ASIC3: variants seen among roughly 807,000 people sequenced by gnomAD.
ASIC3 encodes the protein acid sensing ion channel subunit 3.
Under a neutral mutation model 58.6 loss-of-function variants are expected in ASIC3, and 46 were observed. That is an observed-to-expected ratio of 0.79 (90% CI 0.62 to 1.00). The LOEUF (loss-of-function observed/expected upper bound fraction) is 1.00. Among genes scored for constraint, ASIC3 ranks in the 50% least tolerant of loss-of-function variants. The pLI, the probability that ASIC3 is intolerant of heterozygous loss-of-function variation, is 0.00. For synonymous variants in ASIC3, 336 were observed against 300.2 expected, an observed-to-expected ratio of 1.12 and a Z score of -1.23; for missense variants, 770 against 735.0, an observed-to-expected ratio of 1.05 and a Z score of -0.55.
Position 151,050,525 on chromosome 7 carries a change from CAGG to C in ASIC3, c.736_738del (p.Glu246del), listed in dbSNP as rs1796742031. The C allele has an allele frequency of 6.2e-7, 1 of 1,613,908 alleles. No homozygotes were observed. The highest frequency in any genetic ancestry group is 1.3e-5 in the African/African-American group (1 of 74,912). On this transcript the variant is annotated inframe_deletion, in exon 3 of 11. Transcript: ENST00000349064. ...GGGGATCCGAGTGCAGATCCACAGCCAGGAGGAGCCGCCCATCATCGATCAGCT... is the reference window on the plus strand; with the variant it reads ...GGGGATCCGAGTGCAGATCCACAGCCAGGAGCCGCCCATCATCGATCAGCT...
chr7:151,050,859 C>A lies in ASIC3; in HGVS notation c.915C>A (p.Ser305Arg). 6.2e-7 allele frequency: 1 copy of A among 1,613,258 alleles called. No individual in the cohort carries two copies. The highest frequency in any genetic ancestry group is 8.5e-7 in the Non-Finnish European group (1 of 1,179,878). The change falls in exon 4 of 11, where the codon AGC becomes AGA. Residue 305 changes from serine to arginine, a missense_variant. Physicochemically the swap from Ser to Arg is moderately radical, Grantham distance 110 (BLOSUM62 -1). Coordinates refer to ENST00000349064, the MANE Select transcript of ASIC3 (RefSeq NM_004769.4). ...PSDPLGSPSP[S>R]PSPPYTLMGC... ...ATCCCCTAGGCTCCCCCAGCCCCAG[C>A]CCCAGCCCTCCCTATACCCTTATGG...
rs201843515 is a variant in ASIC3, at chr7:151,051,944, C to A, written c.1307-39C>A. 5 of 1,612,986 alleles carry A rather than the reference C, an allele frequency of 3.1e-6. No homozygotes were observed. In the Admixed American group the frequency reaches 8.3e-5, roughly 27 times the overall value. ...CCAGGGCTGGGGGGGTGTGGGCAGG[C>A]AGGTGGCTGTAAGTTGAAGGGTGAC... On this transcript the variant is annotated intron_variant, in intron 7 of 10. Transcript: ENST00000349064.
In ASIC3 at chr7:151,049,067, C is replaced by A; in HGVS notation, c.182C>A (p.Ala61Asp). Residue 61 changes from alanine to aspartate, a missense_variant, in exon 1 of 11, where the codon GCT becomes GAT. Ala to Asp is a moderately radical substitution (Grantham distance 126). Transcript: ENST00000349064. ...GTGGCCACCTTCCTCTACCAGGTGG[C>A]TGAGAGGGTGCGCTACTACAGGGAG... is the stretch of plus-strand genomic sequence containing the variant. ...LSVATFLYQVAERVRYYREFH... is the reference protein window; with the variant it reads ...LSVATFLYQVDERVRYYREFH... 1 of 1,613,866 alleles carries A rather than the reference C, an allele frequency of 6.2e-7. No individual in the cohort carries two copies. Among genetic ancestry groups the A allele is most frequent in the Non-Finnish European group, 8.5e-7 (1 of 1,179,924 alleles).
intron 3 of ASIC3, 47 bp from the exon 4 acceptor site, chr7:151,050,711 G>T (rs1414744757): frequency 6.2e-7 from 1 of 1,606,062 alleles, no homozygotes; most frequent in Non-Finnish European, 8.5e-7. Flanking sequence ...TCCCCAGCTG[G>T]CCTCTCACGC....
rs771076035 is a variant in ASIC3 at position 151,048,914 on chromosome 7, C to T, written c.29C>T (p.Ala10Val). MKPTSGPEE[A>V]RRPASDIRVF... Reference sequence around the variant, plus strand: ...AAGCCCACCTCAGGCCCAGAGGAGGCCCGGCGGCCAGCCTCGGACATCCGC... The same window carrying T: ...AAGCCCACCTCAGGCCCAGAGGAGGTCCGGCGGCCAGCCTCGGACATCCGC... Residue 10 changes from alanine (A) to valine (V), a missense_variant, in exon 1 of 11, where the codon GCC (alanine) becomes GTC (valine). Physicochemically the swap from Ala to Val is moderately conservative, Grantham distance 64. Transcript: ENST00000349064. The T allele has an allele frequency of 3.8e-6, 6 of 1,560,008 alleles. No homozygotes were observed. The highest frequency in any genetic ancestry group is 5.2e-6 in the Non-Finnish European group (6 of 1,149,066).
intron 6 of ASIC3, among the ~76,000 whole-genome samples, chr7:151,051,595 AG>A (rs1796782261): frequency 8.9e-6 from 1 of 112,868 alleles, no homozygotes; most frequent in African/African-American, 3.4e-5. Flanking sequence ...AGGGGAGGGG[AG>A]GGGACTCGCT....
rs202075625 is a variant in ASIC3, at chr7:151,048,838, T to C, written c.-48T>C. 35 of 1,516,374 alleles carry C rather than the reference T, an allele frequency of 2.3e-5. No homozygotes were observed. In the East Asian group the frequency reaches 6.1e-4, roughly 27 times the overall value. 93.9% of individuals were successfully genotyped at this position (1,516,374 alleles called of 1,614,324 possible). A position where few individuals can be genotyped will look rare whatever the true frequency, so the allele number is the denominator to read the frequency against. On this transcript the variant is annotated 5_prime_UTR_variant, in exon 1 of 11. Transcript: ENST00000349064. ...CCTTAGCCCCCTGACTGACTCTCTC[T>C]CGCTTCTTCCAAGCCTCTGTAGCTG...
At chr7:151,050,986 C>T in intron 4 of ASIC3, 33 bp downstream of exon 4, 5 of 1,613,178 alleles carry the variant, frequency 3.1e-6, no homozygotes, top group East Asian at 2.2e-5. Flanking sequence ...CCATGGCGGG[C>T]AGGGCCCAGG....
chr7:151,050,127 T>A lies in ASIC3; in HGVS notation c.556T>A (p.Cys186Ser). Reference sequence around the variant, plus strand: ...CCAGATCTTCACCCGGATGGGAAAGTGCTACACATTTAACTCTGGCGCTGA... The same window carrying A: ...CCAGATCTTCACCCGGATGGGAAAGAGCTACACATTTAACTCTGGCGCTGA... ...FTTIFTRMGK[C>S]YTFNSGADGA... The change falls in exon 2 of 11, where the codon TGC becomes AGC. Residue 186 changes from cysteine to serine, a missense_variant. Physicochemically the swap from Cys to Ser is moderately radical, Grantham distance 112. Coordinates refer to ENST00000349064, the MANE Select transcript of ASIC3 (RefSeq NM_004769.4). 1 of 1,614,108 alleles carries A rather than the reference T, an allele frequency of 6.2e-7. No homozygotes were observed. The highest frequency in any genetic ancestry group is 8.5e-7 in the Non-Finnish European group (1 of 1,179,988).
chr7:151,050,368 G>C, intron 2 of ASIC3, 112 bp downstream of exon 2: 1 of 1,563,612 alleles, frequency 6.4e-7, no homozygotes, highest in South Asian at 1.2e-5. Context: ...CTGTGAAAGG[G>C]GCTGGGCTGG....
intron 5 of ASIC3, 36 bp from the exon 6 acceptor site, chr7:151,051,136 G>T: frequency 6.3e-7 from 1 of 1,599,494 alleles, no homozygotes. Flanking sequence ...GCCCCGCTCC[G>T]CCCGCGGGCG....
In ASIC3 at chr7:151,050,508, G is replaced by C; in HGVS notation, c.713G>C (p.Arg238Pro). Residue 238 changes from arginine (R) to proline (P), a missense_variant, in exon 3 of 11, where the codon CGA (arginine) becomes CCA (proline). Arg to Pro is a moderately radical substitution (Grantham distance 103). Coordinates refer to ENST00000349064, the MANE Select transcript of ASIC3 (RefSeq NM_004769.4). ...GAGACCCCGTTTGAGGTGGGGATCCGAGTGCAGATCCACAGCCAGGAGGAG... is the reference window on the plus strand; with the variant it reads ...GAGACCCCGTTTGAGGTGGGGATCCCAGTGCAGATCCACAGCCAGGAGGAG... Reference protein sequence around the residue: ...NEETPFEVGIRVQIHSQEEPP... With the variant: ...NEETPFEVGIPVQIHSQEEPP... 2 of 1,613,950 alleles carry C rather than the reference G, an allele frequency of 1.2e-6. No homozygotes were observed. Among genetic ancestry groups the C allele is most frequent in the East Asian group, 2.2e-5 (1 of 44,874 alleles).
In ASIC3 at chr7:151,052,379, A is replaced by C. The variant is rs1796803355; in HGVS notation, c.1459-37A>C. 6.2e-7 allele frequency: 1 copy of C among 1,613,374 alleles called. No individual in the cohort carries two copies. The highest frequency in any genetic ancestry group is 1.1e-5 in the South Asian group (1 of 91,044). On this transcript the variant is annotated intron_variant, in intron 9 of 10. Transcript: ENST00000349064. The surrounding 1 kb of genome is among the most constrained non-coding windows in gnomAD (Gnocchi z 5.0). ...ACCTCGACTGGTCCCTGGGAGGAGGACCACTCCCCACCTCTGACCCTCTCG... is the reference window on the plus strand; with the variant it reads ...ACCTCGACTGGTCCCTGGGAGGAGGCCCACTCCCCACCTCTGACCCTCTCG...
Position 151,051,997 on chromosome 7 carries a change from C to T in ASIC3, c.1321C>T (p.Gln441Ter). 6.2e-7 allele frequency: 1 copy of T among 1,613,334 alleles called. No homozygotes were observed. Among genetic ancestry groups the T allele is most frequent in the Non-Finnish European group, 8.5e-7 (1 of 1,179,844 alleles). ...TGTCTCCACAGGTGACATTGGGGGCCAGATGGGGCTGTTCATCGGGGCCAG... is the reference window on the plus strand; with the variant it reads ...TGTCTCCACAGGTGACATTGGGGGCTAGATGGGGCTGTTCATCGGGGCCAG... Reference protein sequence around the residue: ...MSELLGDIGGQMGLFIGASLL... With the variant: ...MSELLGDIGG Residue 441 changes from glutamine to a stop codon, truncating the protein, a stop_gained, in exon 8 of 11, where the codon CAG (glutamine) becomes TAG (stop). Coordinates refer to ENST00000349064, the MANE Select transcript of ASIC3 (RefSeq NM_004769.4). LOFTEE classifies it high-confidence loss of function.
In ASIC3 at chr7:151,050,753, C is replaced by G. The variant is rs377265988; in HGVS notation, c.814-5C>G. The G allele has an allele frequency of 7.4e-6, 12 of 1,613,134 alleles. No individual in the cohort carries two copies. Among genetic ancestry groups the G allele is most frequent in the South Asian group, 1.1e-5 (1 of 91,024 alleles). On this transcript the variant is annotated splice_region_variant and splice_polypyrimidine_tract_variant and intron_variant, in intron 3 of 10. Transcript: ENST00000349064. ...GGAAGCCTCCTTAACCCTGTCCCCC[C>G]ACAGCTGAGCTTCCTGCCACCGCCC...
chr7:151,050,619 G>A lies in ASIC3; in HGVS notation c.813+11G>A, dbSNP rs762096155. 4.5e-5 allele frequency: 73 copies of A among 1,613,866 alleles called. No homozygotes were observed. The highest frequency in any genetic ancestry group is 3.3e-4 in the Middle Eastern group (2 of 6,062). On this transcript the variant is annotated intron_variant, in intron 3 of 10. Transcript: ENST00000349064. ...TGCCAGCAGCAGCAGGTACCCTTCC[G>A]TGTGCCTCCACACCTACTACTTCAA...
rs111784048 is a variant in ASIC3 at position 151,049,252 on chromosome 7, G to C, written c.367G>C (p.Ala123Pro). 1.9e-6 allele frequency: 3 copies of C among 1,612,002 alleles called. No homozygotes were observed. The highest frequency in any genetic ancestry group is 2.5e-6 in the Non-Finnish European group (3 of 1,179,448). The change falls in exon 1 of 11, where the codon GCC becomes CCC. Residue 123 changes from alanine to proline, a missense_variant. Coordinates refer to ENST00000349064, the MANE Select transcript of ASIC3 (RefSeq NM_004769.4). ...ALLGLDPAEH[A>P]AFLRALGRPP... ...GCTGGGCCTGGATCCCGCAGAGCAC[G>C]CCGCCTTCCTGCGCGCCCTGGGCCG...
rs1420993397 is a variant in ASIC3, at chr7:151,051,316, T to A, written c.1211T>A (p.Ile404Asn). The A allele has an allele frequency of 6.7e-7, 1 of 1,501,264 alleles. No individual in the cohort carries two copies. Among genetic ancestry groups the A allele is most frequent in the Non-Finnish European group, 8.8e-7 (1 of 1,135,612 alleles). 93.0% of individuals were successfully genotyped at this position (1,501,264 alleles called of 1,614,324 possible). ...ARKLNRSEAYIAENVLALDIF... is the reference protein window; with the variant it reads ...ARKLNRSEAYNAENVLALDIF... ...AAGCTCAACCGCAGCGAGGCCTACA[T>A]CGCGTGAGCTGCGCGGGGCGGGCGG... Residue 404 changes from isoleucine to asparagine, a missense_variant, in exon 6 of 11, where the codon ATC (isoleucine) becomes AAC (asparagine). Transcript: ENST00000349064.
chr7:151,051,019 C>T lies in ASIC3; in HGVS notation c.1010-20C>T, dbSNP rs1454885174. On this transcript the variant is annotated intron_variant, in intron 4 of 10. Transcript: ENST00000349064. The stretch of plus-strand genomic sequence containing the variant: ...AGGGAGCTGAGGCTGCTTCTAAAGC[C>T]ATCTCCCCGGTACCCGCAGGCGACG... 4.3e-6 allele frequency: 7 copies of T among 1,613,168 alleles called. No individual in the cohort carries two copies. The highest frequency in any genetic ancestry group is 5.9e-6 in the Non-Finnish European group (7 of 1,180,026).
Sources: allele counts gnomAD v4.1 joint callset (sites outside exome capture counted in the v4.1 genomes callset), GRCh38; gene constraint gnomAD v4.1.1; non-coding constraint Gnocchi (gnomAD v3.1); transcripts MANE v1.5; gene names NCBI Gene and HGNC (gene_info 2026-07-23, HGNC 2026-07-21).